SPATA17: variants seen among roughly 807,000 people sequenced by gnomAD.
SPATA17 encodes spermatogenesis associated 17, also known as spermatogenesis-associated protein 17.
A neutral mutation model predicts 62.2 loss-of-function variants in SPATA17; 53 were observed. That is an observed-to-expected ratio of 0.85 (90% CI 0.68 to 1.07). The LOEUF is 1.07. SPATA17 is among the 50% of genes least tolerant of loss of function. The pLI, the probability that SPATA17 is intolerant of heterozygous loss-of-function variation, is 0.00. For synonymous variants in SPATA17, 146 were observed against 146.8 expected (o/e 0.99, Z 0.04); for missense variants, 466 against 425.5 (o/e 1.10, Z -0.84).
At chr1:217,658,192 T>C (rs957307774) in intron 3 of SPATA17, among the ~76,000 whole-genome samples, 1 of 152,138 alleles carries the variant, frequency 6.6e-6, no homozygotes, top group Non-Finnish European at 1.5e-5. Flanking sequence ...AGGTGGGGCC[T>C]GGTTGGAGGT....
At chr1:217,720,758 TA>T (rs1672108624) in intron 5 of SPATA17, among the ~76,000 whole-genome samples, 2 of 152,056 alleles carry the variant, frequency 1.3e-5, no homozygotes, top group Non-Finnish European at 2.9e-5. Flanking sequence ...AAATAGTAAA[TA>T]CTGGGAGAAG....
intron 5 of SPATA17, among the ~76,000 whole-genome samples, chr1:217,698,751 C>G (rs1671523510): frequency 6.6e-6 from 1 of 152,008 alleles, no homozygotes; most frequent in Non-Finnish European, 1.5e-5. Flanking sequence ...TAGGTCTATG[C>G]TAGTTTATGA....
At chr1:217,854,218 C>A (rs1222389718) in intron 9 of SPATA17, among the ~76,000 whole-genome samples, 1 of 152,148 alleles carries the variant, frequency 6.6e-6, no homozygotes, top group Non-Finnish European at 1.5e-5. Flanking sequence ...CAGGCACATA[C>A]TCTTACGTCA....
At chr1:217,778,290 G>A (rs2102974475) in intron 7 of SPATA17, among the ~76,000 whole-genome samples, 1 of 152,170 alleles carries the variant, frequency 6.6e-6, no homozygotes, top group East Asian at 1.9e-4. Context: ...AGGCTGGAGT[G>A]GGTGGATCAC....
At chr1:217,686,337 C>A (rs1671213964) in intron 5 of SPATA17, among the ~76,000 whole-genome samples, 1 of 151,998 alleles carries the variant, frequency 6.6e-6, no homozygotes, top group South Asian at 2.1e-4. Context: ...AGTCCATTTT[C>A]TTTATTTCCA....
chr1:217,782,013 ATAT>A (rs3838983), intron 7 of SPATA17, 158 bp from the exon 8 acceptor site: 268,122 of 558,314 alleles, frequency 0.48, 68,375 homozygotes, highest in Non-Finnish European at 0.54. Context: ...AAAATAAGTG[ATAT>A]TATGTCATGC....
chr1:217,661,832 C>G (rs1322497706), intron 3 of SPATA17, among the ~76,000 whole-genome samples: 1 of 152,092 alleles, frequency 6.6e-6, no homozygotes. Context: ...ATGCTGAACT[C>G]TTGGTTTAAT....
At chr1:217,830,246 AT>A (rs1340037146) in intron 9 of SPATA17, among the ~76,000 whole-genome samples, 1 of 152,106 alleles carries the variant, frequency 6.6e-6, no homozygotes, top group Non-Finnish European at 1.5e-5. Flanking sequence ...TTTTTGGTAA[AT>A]CCCCAAGTTG....
rs1305216854 is a variant in SPATA17, at chr1:217,763,821, G to A, written c.520-10513G>A. On this transcript the variant is annotated intron_variant, in intron 6 of 10. Transcript: ENST00000366933. The stretch of plus-strand genomic sequence containing the variant: ...TAGTGGGTTGGATATATGGGGTAGG[G>A]GAAAATCAGTAGTCATCATGGATGA... Among the ~76,000 whole-genome samples the A allele has an allele frequency of 2.6e-5, 4 of 151,980 alleles. No individual in the cohort carries two copies. In the East Asian group the frequency reaches 7.7e-4, roughly 29 times the overall value.
At chr1:217,806,773 C>G (rs920779003) in intron 9 of SPATA17, among the ~76,000 whole-genome samples, 2 of 152,126 alleles carry the variant, frequency 1.3e-5, no homozygotes, top group African/African-American at 4.8e-5. Flanking sequence ...CCAGCACTCA[C>G]AGACTGTTAT....
chr1:217,647,073 G>C (rs1465210673), intron 1 of SPATA17, among the ~76,000 whole-genome samples: 1 of 152,128 alleles, frequency 6.6e-6, no homozygotes, highest in Non-Finnish European at 1.5e-5. Context: ...TCTTCAGAGG[G>C]GTATTGAAAG....
chr1:217,644,290 A>T (rs1670132886), intron 1 of SPATA17, among the ~76,000 whole-genome samples: 1 of 152,192 alleles, frequency 6.6e-6, no homozygotes, highest in Non-Finnish European at 1.5e-5. Flanking sequence ...AGCGTCTGTT[A>T]TTAGGCACAT....
intron 9 of SPATA17, among the ~76,000 whole-genome samples, chr1:217,822,785 A>G (rs1306127358): frequency 2.0e-5 from 3 of 149,814 alleles, no homozygotes; most frequent in African/African-American, 7.3e-5. Flanking sequence ...TCTGTTTTCT[A>G]TTTTTTTTAT....
Position 217,742,037 on chromosome 1 carries a change from G to A in SPATA17, c.458G>A (p.Arg153Lys). Residue 153 changes from arginine to lysine, a missense_variant, in exon 6 of 11, where the codon AGG becomes AAG. Transcript: ENST00000366933. ...EREEKKANLE[R>K]EEKKRDYQAR... ...GAAGAGAAGAAGGCTAACCTCGAAAGGGAAGAGAAGAAAAGAGATTACCAA... is the reference window on the plus strand; with the variant it reads ...GAAGAGAAGAAGGCTAACCTCGAAAAGGAAGAGAAGAAAAGAGATTACCAA... 2 of 1,614,100 alleles carry A rather than the reference G, an allele frequency of 1.2e-6. No homozygotes were observed. Among genetic ancestry groups the A allele is most frequent in the Non-Finnish European group, 1.7e-6 (2 of 1,179,986 alleles).
intron 5 of SPATA17, among the ~76,000 whole-genome samples, chr1:217,700,007 G>A (rs749675512): frequency 1.3e-5 from 2 of 152,034 alleles, no homozygotes; most frequent in Admixed American, 1.3e-4. Flanking sequence ...TTTCCCTTCT[G>A]TCCTTTTTGT....
At chr1:217,707,538 A>C (rs1343462452) in intron 5 of SPATA17, among the ~76,000 whole-genome samples, 1 of 152,154 alleles carries the variant, frequency 6.6e-6, no homozygotes, top group African/African-American at 2.4e-5. Context: ...GCTTTTGCCC[A>C]TTCATTATGA....
intron 3 of SPATA17, among the ~76,000 whole-genome samples, chr1:217,652,513 T>C (rs1221694517): frequency 1.3e-5 from 2 of 151,982 alleles, no homozygotes; most frequent in Non-Finnish European, 2.9e-5. Context: ...GGATTACAGG[T>C]GTGAGCCACC....
intron 8 of SPATA17, among the ~76,000 whole-genome samples, chr1:217,789,877 A>C (rs1235873180): frequency 6.6e-6 from 1 of 152,102 alleles, no homozygotes; most frequent in African/African-American, 2.4e-5. Flanking sequence ...TCTACTAAAA[A>C]TACAAAAAAA....
intron 3 of SPATA17, among the ~76,000 whole-genome samples, chr1:217,655,726 G>C (rs1670426569): frequency 6.6e-6 from 1 of 151,824 alleles, no homozygotes; most frequent in African/African-American, 2.4e-5. Context: ...TTATTCAATG[G>C]GTGGGTTATG....
Sources: allele counts gnomAD v4.1 joint callset (sites outside exome capture counted in the v4.1 genomes callset), GRCh38; gene constraint gnomAD v4.1.1; transcripts MANE v1.5; gene names NCBI Gene and HGNC (gene_info 2026-07-23, HGNC 2026-07-21).